ATAD5: variants seen among roughly 807,000 people sequenced by gnomAD.
ATAD5 encodes ATPase family AAA domain containing 5, also known as ATPase family AAA domain-containing protein 5.
In ATAD5, 58 loss-of-function variants were observed where a neutral mutation model predicts 176.9. The ratio of observed to expected loss-of-function variants is 0.33; its 90% CI spans 0.27 to 0.41. The LOEUF (loss-of-function observed/expected upper bound fraction) is 0.41, where lower values mean the gene tolerates loss of function less well. Among genes scored for constraint, ATAD5 ranks in the 10% least tolerant of loss-of-function variants. The pLI is 1.00. For missense variants in ATAD5, 1,789 were observed against 2,094.1 expected, an observed-to-expected ratio of 0.85 and a Z score of 2.84; for synonymous variants, 640 against 712.6, an observed-to-expected ratio of 0.90 and a Z score of 1.62.
At chr17:30,864,336 AG>A (rs1597977442) in intron 10 of ATAD5, 1 of 152,220 alleles carries the variant, frequency 6.6e-6, no homozygotes, top group East Asian at 1.9e-4. Flanking sequence ...TCTTAAAAAA[AG>A]AAAAAAACTA....
At chr17:30,878,631 G>A (rs1908803134) in intron 17 of ATAD5, among the ~76,000 whole-genome samples, 1 of 147,022 alleles carries the variant, frequency 6.8e-6, no homozygotes, top group South Asian at 2.2e-4. Context: ...CATGAGGCTA[G>A]TCTCTACTTA....
At chr17:30,862,234 C>G (rs1225357701) in intron 10 of ATAD5, among the ~76,000 whole-genome samples, 1 of 150,362 alleles carries the variant, frequency 6.7e-6, no homozygotes, top group East Asian at 2.1e-4. Context: ...CTTGGGAGGC[C>G]GAGGCAGGAG....
intron 6 of ATAD5, among the ~76,000 whole-genome samples, chr17:30,848,744 A>G (rs1906686187): frequency 6.6e-6 from 1 of 152,028 alleles, no homozygotes; most frequent in Non-Finnish European, 1.5e-5. Flanking sequence ...ATACTAATTT[A>G]TATTTTCTAG....
At chr17:30,890,422 T>TC (rs34546555) in intron 19 of ATAD5, among the ~76,000 whole-genome samples, 11,342 of 136,276 alleles carry the variant, frequency 0.083, 437 homozygotes, top group South Asian at 0.2. Flanking sequence ...TCTTTTCTTT[T>TC]TTTTTTTTTT....
At chr17:30,891,538 A>G (rs1909638565) in intron 19 of ATAD5, among the ~76,000 whole-genome samples, 2 of 151,038 alleles carry the variant, frequency 1.3e-5, no homozygotes, top group Admixed American at 6.6e-5. Context: ...TGCCCAGCTA[A>G]TTTTTTATAT....
intron 6 of ATAD5, among the ~76,000 whole-genome samples, chr17:30,847,369 C>T (rs1482314041): frequency 6.6e-6 from 1 of 151,858 alleles, no homozygotes; most frequent in South Asian, 2.1e-4. Flanking sequence ...CTTGCACTGT[C>T]GCCCAGGCTG....
At chr17:30,839,074 C>A (rs1905921991) in intron 3 of ATAD5, among the ~76,000 whole-genome samples, 1 of 152,130 alleles carries the variant, frequency 6.6e-6, no homozygotes, top group Non-Finnish European at 1.5e-5. Context: ...AATCCTCCAG[C>A]CTTGGACTCC....
chr17:30,879,720 G>A (rs1423865668), intron 18 of ATAD5, among the ~76,000 whole-genome samples: 2 of 151,778 alleles, frequency 1.3e-5, no homozygotes, highest in Non-Finnish European at 2.9e-5. Flanking sequence ...CTGCCACCAC[G>A]CCCGGCTAAT....
At position 30,889,169 on chromosome 17, in the gene ATAD5, T is replaced by TC. The variant is rs57387315; in HGVS notation, c.4258+1797_4258+1798insC. Among the ~76,000 whole-genome samples the TC allele has an allele frequency of 1.3e-3, 187 of 145,360 alleles. 1 individual carries two copies. Among genetic ancestry groups the TC allele is most frequent in the African/African-American group, 4.3e-3 (167 of 38,878 alleles). On this transcript the variant is annotated intron_variant, in intron 19 of 22. Transcript: ENST00000321990. ...TTCAAAAGTTTTTCTTTTCTTTCTT[T>TC]TTTTTTTTTTTTTGAGGTAGGGTCT...
intron 19 of ATAD5, among the ~76,000 whole-genome samples, chr17:30,889,926 G>A (rs1389420442): frequency 1.3e-5 from 1 of 76,710 alleles, no homozygotes; most frequent in Non-Finnish European, 2.3e-5. Flanking sequence ...GTCTCATTCT[G>A]TTGCCCAGGC....
At chr17:30,865,647 T>C in intron 10 of ATAD5, 57 bp from the exon 11 acceptor site, 1 of 1,041,470 alleles carries the variant, frequency 9.6e-7, no homozygotes, top group East Asian at 2.7e-5. Flanking sequence ...TGACTAATAA[T>C]TCATATATGT....
At chr17:30,872,580 G>T (rs1360603406) in intron 14 of ATAD5, among the ~76,000 whole-genome samples, 3 of 148,992 alleles carry the variant, frequency 2.0e-5, no homozygotes, top group African/African-American at 7.4e-5. Context: ...TTTTGAGACG[G>T]AGTCTCACAC....
intron 11 of ATAD5, 105 bp downstream of exon 11, chr17:30,865,905 T>C: frequency 1.7e-6 from 1 of 590,638 alleles, no homozygotes; most frequent in Non-Finnish European, 2.7e-6. Flanking sequence ...GATAAAATCT[T>C]CAAAAAACTG....
At chr17:30,846,628 C>T (rs1906522518) in intron 6 of ATAD5, among the ~76,000 whole-genome samples, 1 of 151,926 alleles carries the variant, frequency 6.6e-6, no homozygotes, top group African/African-American at 2.4e-5. Flanking sequence ...GTCTCGATCT[C>T]TTGACCTTGT....
At chr17:30,878,275 A>G (rs536253302) in intron 17 of ATAD5, among the ~76,000 whole-genome samples, 179 bp downstream of exon 17, 1 of 152,286 alleles carries the variant, frequency 6.6e-6, no homozygotes, top group African/African-American at 2.4e-5. Flanking sequence ...CTAGAATGCA[A>G]ATAAGAAATC....
rs1018285044 is a variant in ATAD5 at position 30,893,747 on chromosome 17, A to G, written c.4894A>G (p.Thr1632Ala). Residue 1632 changes from threonine (T) to alanine (A), a missense_variant, in exon 21 of 23, where the codon ACA becomes GCA. Thr to Ala is a moderately conservative substitution (Grantham distance 58). This residue lies in a region of ATAD5 where 403 missense variants were observed against 495.1 expected (regional missense o/e 0.81). Coordinates refer to ENST00000321990, the MANE Select transcript of ATAD5 (RefSeq NM_024857.5). ...TKKSIPCPPK[T>A]TAGKKCSALV... ...GAAATCTATTCCTTGTCCTCCTAAA[A>G]CAACTGCAGGAAAAAAATGTTCTGC... The G allele has an allele frequency of 6.2e-7, 1 of 1,614,072 alleles. No individual in the cohort carries two copies. The highest frequency in any genetic ancestry group is 8.5e-7 in the Non-Finnish European group (1 of 1,179,958).
chr17:30,888,846 T>A (rs1342985254), intron 19 of ATAD5, among the ~76,000 whole-genome samples: 4 of 152,000 alleles, frequency 2.6e-5, no homozygotes, highest in African/African-American at 9.6e-5. Context: ...GGCGGTTAGA[T>A]CATGAGGTCA....
At position 30,858,233 on chromosome 17, in the gene ATAD5, C is replaced by A; in HGVS notation, c.2866C>A (p.Pro956Thr). 2 of 1,596,586 alleles carry A rather than the reference C, an allele frequency of 1.3e-6. No individual in the cohort carries two copies. Among genetic ancestry groups the A allele is most frequent in the Non-Finnish European group, 1.7e-6 (2 of 1,171,764 alleles). Residue 956 changes from proline (P) to threonine (T), a missense_variant, in exon 9 of 23, where the codon CCT becomes ACT. Around this residue, in one of 6 missense-constraint regions of ATAD5, gnomAD observed 487 missense variants for 573.6 expected, o/e 0.85. Transcript: ENST00000321990. ...GCTTGAGGAAATTAGGTGGTCAAAT[C>A]CTGAATTTTCATTGAAAAAATATTT... ...LLLEEIRWSNPEFSLKKYFPL... is the reference protein window; with the variant it reads ...LLLEEIRWSNTEFSLKKYFPL...
chr17:30,837,481 C>T (rs1391690359), intron 3 of ATAD5, among the ~76,000 whole-genome samples, 167 bp downstream of exon 3: 4 of 152,132 alleles, frequency 2.6e-5, no homozygotes, highest in Non-Finnish European at 5.9e-5. Flanking sequence ...TCCTGTTCCT[C>T]TAGTTAATTA....
Sources: gnomAD v4.1 joint callset for allele counts (sites outside exome capture counted in the v4.1 genomes callset) on GRCh38, gnomAD v4.1.1 for gene constraint, gnomAD v4.1.1 regional missense constraint, MANE v1.5 for transcripts, NCBI Gene and HGNC (gene_info 2026-07-23, HGNC 2026-07-21) for gene names.